Variants in ASXL2 observed in about 807,000 individuals in gnomAD.
The protein encoded by ASXL2 is ASXL transcriptional regulator 2.
Under a neutral mutation model 122.0 loss-of-function variants are expected in ASXL2, and 23 were observed. The ratio of observed to expected loss-of-function variants is 0.19; its 90% CI spans 0.14 to 0.27. The LOEUF (loss-of-function observed/expected upper bound fraction) is 0.27, where lower values mean the gene tolerates loss of function less well. ASXL2 is among the 10% of genes least tolerant of loss of function. ASXL2 has a pLI of 1.00. For synonymous variants in ASXL2, 650 were observed against 637.0 expected (o/e 1.02, Z -0.31); for missense variants, 1,518 against 1,713.8 (o/e 0.89, Z 2.02).
At chr2:25,826,824 A>G (rs898807901) in intron 3 of ASXL2, among the ~76,000 whole-genome samples, 1 of 146,588 alleles carries the variant, frequency 6.8e-6, no homozygotes, top group African/African-American at 2.5e-5. Context: ...CCTCACTTCA[A>G]GTCGATTTTA....
chr2:25,805,047 A>G (rs540080551), intron 4 of ASXL2, among the ~76,000 whole-genome samples: 1 of 151,946 alleles, frequency 6.6e-6, no homozygotes, highest in Non-Finnish European at 1.5e-5. Flanking sequence ...GAGACTGTCA[A>G]AAGAAAGAAA....
chr2:25,796,831 T>G (rs951791015), intron 5 of ASXL2, among the ~76,000 whole-genome samples: 8 of 152,238 alleles, frequency 5.3e-5, no homozygotes, highest in African/African-American at 1.9e-4. Context: ...TATCCTCATG[T>G]GGCTATTTAA....
At chr2:25,815,280 C>T (rs2089219545) in intron 3 of ASXL2, among the ~76,000 whole-genome samples, 1 of 152,052 alleles carries the variant, frequency 6.6e-6, no homozygotes, top group Admixed American at 6.6e-5. Context: ...TGACCTTGAC[C>T]ATTCTGCTAC....
In ASXL2 at chr2:25,737,766, T is replaced by C. The variant is rs945230568; in HGVS notation, c.*4263A>G. 3.3e-5 allele frequency: 5 copies of C among 152,330 alleles called. No individual in the cohort carries two copies. Among genetic ancestry groups the C allele is most frequent in the African/African-American group, 7.2e-5 (3 of 41,578 alleles). 9.4% of individuals were successfully genotyped at this position (152,330 alleles called of 1,614,324 possible). A position where few individuals can be genotyped will look rare whatever the true frequency, so the allele number is the denominator to read the frequency against. ...GGAATACATACAATCTATATACATA[T>C]ATTTATTGCAAATACTTAAAATTCT... On this transcript the variant is annotated 3_prime_UTR_variant, in exon 13 of 13. Transcript: ENST00000435504.
Position 25,759,657 on chromosome 2 carries a change from G to C in ASXL2, c.776-12C>G. On this transcript the variant is annotated splice_polypyrimidine_tract_variant and intron_variant, in intron 8 of 12. Coordinates refer to ENST00000435504, the MANE Select transcript of ASXL2 (RefSeq NM_018263.6). ...TCTTTTCATTTGTCCTACAAAAACA[G>C]AGAAGAATCGTTTGGGCCTCCCTCA... 6.2e-7 allele frequency: 1 copy of C among 1,602,046 alleles called. No homozygotes were observed. The highest frequency in any genetic ancestry group is 8.5e-7 in the Non-Finnish European group (1 of 1,171,020).
At chr2:25,796,071 A>G (rs1432063080) in intron 5 of ASXL2, among the ~76,000 whole-genome samples, 1 of 152,174 alleles carries the variant, frequency 6.6e-6, no homozygotes, top group Non-Finnish European at 1.5e-5. Flanking sequence ...TCTGATTACA[A>G]AGTTCGCTCA....
rs146158047 is a variant in ASXL2 at position 25,863,898 on chromosome 2, C to T, written c.57+14268G>A. 9.4e-3 allele frequency among the ~76,000 whole-genome samples: 1,415 copies of T among 150,866 alleles called. 16 individuals are homozygous for T. Among genetic ancestry groups the T allele is most frequent in the Non-Finnish European group, 0.014 (959 of 67,804 alleles). ...GCAGGTGACTGTAATCCCAGCTACT[C>T]GGAAGGCTGAGGCAGGACAACTGCT... On this transcript the variant is annotated intron_variant, in intron 1 of 12. Transcript: ENST00000435504.
intron 5 of ASXL2, among the ~76,000 whole-genome samples, chr2:25,797,626 T>C (rs900201659): frequency 2.6e-5 from 4 of 152,118 alleles, no homozygotes; most frequent in African/African-American, 9.7e-5. Context: ...GGCAAACAAG[T>C]AAATGAAAAG....
chr2:25,837,777 G>C (rs190225100), intron 2 of ASXL2, among the ~76,000 whole-genome samples: 16 of 151,856 alleles, frequency 1.1e-4, no homozygotes, highest in African/African-American at 3.6e-4. Context: ...TTGAGGCTGG[G>C]AGGTTGAGGC....
At chr2:25,824,275 GA>G (rs1232314338) in intron 3 of ASXL2, among the ~76,000 whole-genome samples, 1 of 151,864 alleles carries the variant, frequency 6.6e-6, no homozygotes, top group African/African-American at 2.4e-5. Flanking sequence ...AAAAAATATG[GA>G]AAAGAAGCTG....
intron 4 of ASXL2, among the ~76,000 whole-genome samples, chr2:25,803,111 G>A (rs978178180): frequency 6.6e-6 from 1 of 151,010 alleles, no homozygotes; most frequent in Admixed American, 6.6e-5. Flanking sequence ...CAGCCTGGGC[G>A]ACAGAGCGAG....
chr2:25,753,663 A>ATT, intron 10 of ASXL2, 24 bp from the exon 11 acceptor site: 1 of 1,548,156 alleles, frequency 6.5e-7, no homozygotes, highest in Non-Finnish European at 8.8e-7. Context: ...AAAAAAGGAT[A>ATT]TTCAATAGAA....
Position 25,744,384 on chromosome 2 carries a change from T to C in ASXL2, c.1953A>G (p.Arg651=), listed in dbSNP as rs1164341402. The change falls in exon 13 of 13, where the codon AGA becomes AGG. Residue 651 remains arginine, a synonymous_variant. Transcript: ENST00000435504. The surrounding 1 kb of genome is among the most constrained non-coding windows in gnomAD (Gnocchi z 4.7). ...RFPVSITSPN[R]TGARTLADIK... is the part of the protein sequence containing the mutation. ...TGTCTGCAAGAGTTCTGGCTCCTGTTCTGTTAGGACTAGTGATGGAGACTG... is the reference window on the plus strand; with the variant it reads ...TGTCTGCAAGAGTTCTGGCTCCTGTCCTGTTAGGACTAGTGATGGAGACTG... 2 of 1,613,976 alleles carry C rather than the reference T, an allele frequency of 1.2e-6. No homozygotes were observed. Among genetic ancestry groups the C allele is most frequent in the East Asian group, 2.2e-5 (1 of 44,876 alleles).
intron 5 of ASXL2, among the ~76,000 whole-genome samples, chr2:25,788,583 T>G (rs1194276308): frequency 6.6e-6 from 1 of 152,192 alleles, no homozygotes; most frequent in Non-Finnish European, 1.5e-5. Context: ...ATCCCGTTAT[T>G]TCACATGATC....
rs973662835 is a variant in ASXL2 at position 25,736,369 on chromosome 2, C to G, written c.*5660G>C. The G allele has an allele frequency of 6.6e-6, 1 of 152,130 alleles. No individual in the cohort carries two copies. Among genetic ancestry groups the G allele is most frequent in the African/African-American group, 2.4e-5 (1 of 41,422 alleles). The allele number at this position is 152,130 out of a possible 1,614,324, so 9.4% of individuals were successfully genotyped here. A position where few individuals can be genotyped will look rare whatever the true frequency, so the allele number is the denominator to read the frequency against. ...CCATCTAAATAATGATAAATATGTA[C>G]CAGAAATGGGGAGTCAATCTTTGTA... On this transcript the variant is annotated 3_prime_UTR_variant, in exon 13 of 13. Transcript: ENST00000435504.
chr2:25,875,769 C>T (rs988151391), intron 1 of ASXL2, among the ~76,000 whole-genome samples: 8 of 152,112 alleles, frequency 5.3e-5, no homozygotes, highest in Admixed American at 2.6e-4. Flanking sequence ...AACTGTTCCT[C>T]GAACACTTGA....
At chr2:25,864,235 C>T (rs1385151773) in intron 1 of ASXL2, among the ~76,000 whole-genome samples, 1 of 152,072 alleles carries the variant, frequency 6.6e-6, no homozygotes, top group Non-Finnish European at 1.5e-5. Flanking sequence ...ACTCTTAATG[C>T]CAGGCGATAC....
chr2:25,799,589 A>G, intron 4 of ASXL2, 54 bp from the exon 5 acceptor site: 1 of 1,535,064 alleles, frequency 6.5e-7, no homozygotes, highest in Non-Finnish European at 8.7e-7. Context: ...AGCAAACAGA[A>G]ATTAAAACTT....
intron 1 of ASXL2, among the ~76,000 whole-genome samples, chr2:25,852,702 A>G (rs1316935337): frequency 1.3e-5 from 2 of 152,248 alleles, no homozygotes; most frequent in Admixed American, 6.5e-5. Context: ...GAAATAAACT[A>G]AATGACCAGA....
Sources: allele counts gnomAD v4.1 joint callset (sites outside exome capture counted in the v4.1 genomes callset), GRCh38; gene constraint gnomAD v4.1.1; non-coding constraint Gnocchi (gnomAD v3.1); transcripts MANE v1.5; gene names NCBI Gene and HGNC (gene_info 2026-07-23, HGNC 2026-07-21).